The following STK38 variants were observed in gnomAD, a reference collection of about 807,000 sequenced individuals.
The protein encoded by STK38 is serine/threonine-protein kinase 38.
In STK38, 26 loss-of-function variants were observed where a neutral mutation model predicts 59.0. That is an observed-to-expected ratio of 0.44 (90% confidence interval 0.32 to 0.61). The LOEUF is 0.61. Ranked by LOEUF, STK38 falls within the 20% of genes least tolerant of loss-of-function variation. STK38 has a pLI of 0.04. For missense variants in STK38, 433 were observed against 566.0 expected (o/e 0.76, Z 2.38); for synonymous variants, 175 against 176.6 (o/e 0.99, Z 0.07).
intron 2 of STK38, among the ~76,000 whole-genome samples, chr6:36,528,180 C>A (rs920849277): frequency 5.9e-5 from 9 of 151,806 alleles, no homozygotes; most frequent in African/African-American, 2.2e-4. Context: ...GCACACAGCA[C>A]TACAAATGCC....
chr6:36,518,196 C>T (rs779420103), intron 5 of STK38, among the ~76,000 whole-genome samples: 1 of 152,122 alleles, frequency 6.6e-6, no homozygotes, highest in Non-Finnish European at 1.5e-5. Context: ...AAAAATAAGT[C>T]CCCAAAGTGA....
At chr6:36,512,250 T>C (rs76736748) in intron 7 of STK38, among the ~76,000 whole-genome samples, 8,099 of 152,264 alleles carry the variant, frequency 0.053, 303 homozygotes, top group South Asian at 0.14. Context: ...AACCTGCTTA[T>C]GAGAACATTT....
chr6:36,535,299 A>T (rs1005146096), intron 2 of STK38, among the ~76,000 whole-genome samples: 7 of 151,848 alleles, frequency 4.6e-5, no homozygotes, highest in African/African-American at 1.7e-4. Context: ...AAATACAAAA[A>T]ATTAGCCACG....
chr6:36,506,357 T>C (rs1776961512), intron 9 of STK38, among the ~76,000 whole-genome samples: 1 of 152,190 alleles, frequency 6.6e-6, no homozygotes, highest in Non-Finnish European at 1.5e-5. Context: ...AAGGTCAGAA[T>C]GAGGTCGCCC....
At chr6:36,527,191 C>CAAAAAAA (rs777770396) in intron 2 of STK38, among the ~76,000 whole-genome samples, 37 of 46,012 alleles carry the variant, frequency 8.0e-4, no homozygotes, top group African/African-American at 3.4e-3. Flanking sequence ...GACTCCGTCT[C>CAAAAAAA]AAAAAAAAAA....
At chr6:36,496,043 ATTTT>A (rs34301019) in intron 13 of STK38, 129 bp from the exon 14 acceptor site, 1,300 of 615,298 alleles carry the variant, frequency 2.1e-3, no homozygotes, top group East Asian at 3.3e-3. Flanking sequence ...CACTCTATGA[ATTTT>A]TTTTTTTTTT....
chr6:36,539,957 T>C, intron 2 of STK38, 115 bp downstream of exon 2: 4 of 1,488,648 alleles, frequency 2.7e-6, no homozygotes, highest in Non-Finnish European at 3.6e-6. Context: ...TCCATTATGA[T>C]AGTCTATAAT....
At position 36,507,577 on chromosome 6, in the gene STK38, C is replaced by T; in HGVS notation, c.695G>A (p.Gly232Asp). The T allele has an allele frequency of 6.2e-7, 1 of 1,613,952 alleles. No homozygotes were observed. The highest frequency in any genetic ancestry group is 8.5e-7 in the Non-Finnish European group (1 of 1,179,928). Reference protein sequence around the residue: ...SKGHVKLSDFGLCTGLKKAHR... With the variant: ...SKGHVKLSDFDLCTGLKKAHR... ...TGCTTTTTTCAGTCCTGTGCAAAGA[C>T]CAAAGTCAGAAAGTTTCACATGGCC... The change falls in exon 8 of 14, where the codon GGT (glycine) becomes GAT (aspartate). Residue 232 changes from glycine to aspartate, a missense_variant. Around this residue, in one of 3 missense-constraint regions of STK38, gnomAD observed 293 missense variants for 388.2 expected, o/e 0.75. Transcript: ENST00000229812.
At chr6:36,521,890 T>G (rs900740955) in intron 4 of STK38, 73 bp from the exon 5 acceptor site, 1 of 1,201,780 alleles carries the variant, frequency 8.3e-7, no homozygotes, top group Non-Finnish European at 1.2e-6. Context: ...TGTTATAGGA[T>G]GCAATAATTA....
intron 9 of STK38, among the ~76,000 whole-genome samples, chr6:36,501,543 G>T (rs1329313546): frequency 1.4e-5 from 2 of 144,770 alleles, no homozygotes; most frequent in Non-Finnish European, 3.0e-5. Context: ...ATTTGTCTCA[G>T]ATCATTTGTC....
intron 2 of STK38, among the ~76,000 whole-genome samples, chr6:36,537,017 A>C (rs1250736655): frequency 6.6e-6 from 1 of 152,116 alleles, no homozygotes; most frequent in Non-Finnish European, 1.5e-5. Flanking sequence ...TTACTTACGA[A>C]ACATACACAT....
In STK38 at chr6:36,498,376, C is replaced by A; in HGVS notation, c.1063G>T (p.Asp355Tyr). ...PEVPISEKAK[D>Y]LILRFCCEWE... ...GTTCTCTAATACCTCAAAATTAGAT[C>A]CTTGGCTTTCTCAGAGATGGGAACT... Residue 355 changes from aspartate to tyrosine, a missense_variant, in exon 11 of 14, where the codon GAT becomes TAT. Physicochemically the swap from Asp to Tyr is radical, Grantham distance 160. Coordinates refer to ENST00000229812, the MANE Select transcript of STK38 (RefSeq NM_007271.4). The A allele has an allele frequency of 1.2e-6, 2 of 1,613,584 alleles. No homozygotes were observed. The highest frequency in any genetic ancestry group is 1.7e-6 in the Non-Finnish European group (2 of 1,179,852).
At chr6:36,501,418 C>T (rs1007563956) in intron 9 of STK38, among the ~76,000 whole-genome samples, 4 of 152,040 alleles carry the variant, frequency 2.6e-5, no homozygotes, top group African/African-American at 9.7e-5. Context: ...TTTTAAATTA[C>T]AGTTGTATTG....
chr6:36,502,497 T>C (rs993955438), intron 9 of STK38, among the ~76,000 whole-genome samples: 5 of 152,238 alleles, frequency 3.3e-5, no homozygotes, highest in African/African-American at 1.2e-4. Context: ...TTAATCTGTT[T>C]AAGATATTTG....
intron 12 of STK38, among the ~76,000 whole-genome samples, chr6:36,497,513 A>G (rs1231674893): frequency 6.6e-6 from 1 of 152,238 alleles, no homozygotes; most frequent in African/African-American, 2.4e-5. Flanking sequence ...GTAAAGGGTA[A>G]TACGCTTCCT....
intron 2 of STK38, among the ~76,000 whole-genome samples, chr6:36,530,303 C>G (rs67640018): frequency 0.27 from 41,294 of 150,276 alleles, 6,600 homozygotes; most frequent in African/African-American, 0.44. Context: ...AAGAGGGGAG[C>G]GGAGGGGGAG....
At chr6:36,499,591 TA>T (rs1209206068) in intron 10 of STK38, among the ~76,000 whole-genome samples, 1 of 152,130 alleles carries the variant, frequency 6.6e-6, no homozygotes, top group Non-Finnish European at 1.5e-5. Context: ...GGATATTTAA[TA>T]AATGCTAGTG....
chr6:36,496,712 T>C lies in STK38; in HGVS notation c.1266A>G (p.Thr422=). 1 of 1,610,776 alleles carries C rather than the reference T, an allele frequency of 6.2e-7. No homozygotes were observed. The highest frequency in any genetic ancestry group is 8.5e-7 in the Non-Finnish European group (1 of 1,177,388). ...AGGAGACAATGCTGGTGGTGTTACC[T>C]GTTGGCTTAAGAATATCAGATTCTG... The part of the protein sequence containing the change: ...EFPESDILKP[T]VATSNHPETD... Residue 422 remains threonine (T), a splice_region_variant and synonymous_variant, in exon 13 of 14, where the codon ACA becomes ACG. Coordinates refer to ENST00000229812, the MANE Select transcript of STK38 (RefSeq NM_007271.4).
chr6:36,499,779 A>T, intron 10 of STK38, 94 bp downstream of exon 10: 1 of 1,001,162 alleles, frequency 1.0e-6, no homozygotes, highest in Non-Finnish European at 1.6e-6. Flanking sequence ...TAGGGAAATC[A>T]CTTAGATCAC....
Sources: gnomAD v4.1 joint callset for allele counts (sites outside exome capture counted in the v4.1 genomes callset) on GRCh38, gnomAD v4.1.1 for gene constraint, gnomAD v4.1.1 regional missense constraint, MANE v1.5 for transcripts, NCBI Gene and HGNC (gene_info 2026-07-23, HGNC 2026-07-21) for gene names.